The following INPP5B variants were observed in gnomAD, a reference collection of about 807,000 sequenced individuals.
INPP5B encodes the protein type II inositol 1,4,5-trisphosphate 5-phosphatase.
A neutral mutation model predicts 118.5 loss-of-function variants in INPP5B; 90 were observed. That is an observed-to-expected ratio of 0.76 (90% CI 0.64 to 0.90). The LOEUF (loss-of-function observed/expected upper bound fraction) is 0.90. Among genes scored for constraint, INPP5B ranks in the 40% least tolerant of loss-of-function variants. The pLI is 0.00. For missense variants in INPP5B, 984 were observed against 1,125.6 expected, an observed-to-expected ratio of 0.87 and a Z score of 1.80; for synonymous variants, 385 against 418.9, an observed-to-expected ratio of 0.92 and a Z score of 0.99.
intron 7 of INPP5B, chr1:37,931,570 C>G: frequency 6.5e-7 from 1 of 1,538,006 alleles, no homozygotes; most frequent in Middle Eastern, 1.7e-4. Flanking sequence ...GTCTTCGCCC[C>G]GAGCGTCCAC....
intron 7 of INPP5B, chr1:37,931,686 C>T (rs750948350): frequency 1.3e-6 from 2 of 1,527,060 alleles, no homozygotes; most frequent in South Asian, 1.2e-5. Flanking sequence ...CAGTGTTGCG[C>T]TCCCGAGAGC....
At chr1:37,874,852 G>A (rs968756393) in intron 17 of INPP5B, among the ~76,000 whole-genome samples, 2 of 152,168 alleles carry the variant, frequency 1.3e-5, no homozygotes, top group Non-Finnish European at 2.9e-5. Flanking sequence ...TGACTTTGTA[G>A]AATGTCAAGT....
In INPP5B at chr1:37,862,327, G is replaced by T. The variant is rs766524381; in HGVS notation, c.2730C>A (p.Cys910Ter). 1.2e-6 allele frequency: 2 copies of T among 1,610,040 alleles called. No homozygotes were observed. Among genetic ancestry groups the T allele is most frequent in the South Asian group, 2.2e-5 (2 of 90,996 alleles). ...KAQEFIHQFL[C>*]NPL The stretch of plus-strand genomic sequence containing the variant: ...AGGAGAGAGAGGCTCAGAGTGGGTT[G>T]CAGAGGAACTGGTGAATAAATTCTT... Residue 910 changes from cysteine (C) to a stop codon, truncating the protein, a stop_gained, in exon 24 of 24, where the codon TGC becomes TGA. Coordinates refer to ENST00000373024, the MANE Select transcript of INPP5B (RefSeq NM_005540.3). LOFTEE classifies it high-confidence loss of function.
chr1:37,899,907 G>A (rs1399052832), intron 7 of INPP5B, among the ~76,000 whole-genome samples: 1 of 150,482 alleles, frequency 6.6e-6, no homozygotes, highest in Non-Finnish European at 1.5e-5. Flanking sequence ...GTAGAGACGG[G>A]GTTTCACCGT....
At position 37,864,382 on chromosome 1, in the gene INPP5B, G is replaced by T. The variant is rs148529004; in HGVS notation, c.2556C>A (p.His852Gln). ...TLPIFHKNVF[H>Q]YLMAFLRELL... The stretch of plus-strand genomic sequence containing the variant: ...GTTCTCGCAAAAACGCCATCAAGTA[G>T]TGGAAGACATTTTTGTGGAATATGG... Residue 852 changes from histidine to glutamine, a missense_variant, in exon 23 of 24, where the codon CAC (histidine) becomes CAA (glutamine). By Grantham distance (24) the His-to-Gln change is conservative (BLOSUM62 0). Transcript: ENST00000373024. 1.2e-6 allele frequency: 2 copies of T among 1,613,062 alleles called. No homozygotes were observed. Among genetic ancestry groups the T allele is most frequent in the African/African-American group, 2.7e-5 (2 of 74,894 alleles).
intron 7 of INPP5B, among the ~76,000 whole-genome samples, chr1:37,897,333 C>T (rs930835875): frequency 2.0e-5 from 3 of 148,916 alleles, no homozygotes; most frequent in African/African-American, 7.4e-5. Flanking sequence ...CGGATGGTTG[C>T]CGTGTCTGTG....
intron 8 of INPP5B, 63 bp downstream of exon 8, chr1:37,891,295 G>A: frequency 8.6e-7 from 1 of 1,164,540 alleles, no homozygotes; most frequent in Non-Finnish European, 1.3e-6. Flanking sequence ...ACCCAAAATG[G>A]TCTCAGTACT....
Position 37,861,723 on chromosome 1 carries a change from T to TC in INPP5B, c.*591dup, listed in dbSNP as rs2148432817. ...CCAGCCTGGGCAACAAGAGTGAAACTCCATCTCAAAAAAGAAAAAAAAAAA... is the reference window on the plus strand; with the variant it reads ...CCAGCCTGGGCAACAAGAGTGAAACTCCCATCTCAAAAAAGAAAAAAAAAAA... On this transcript the variant is annotated 3_prime_UTR_variant, in exon 24 of 24. Transcript: ENST00000373024. The TC allele has an allele frequency of 1.1e-5, 1 of 94,162 alleles. No homozygotes were observed. Among genetic ancestry groups the TC allele is most frequent in the African/African-American group, 4.3e-5 (1 of 23,190 alleles). The allele number at this position is 94,162 out of a possible 1,614,324, so 5.8% of individuals were successfully genotyped here. A position where few individuals can be genotyped will look rare whatever the true frequency, so the allele number is the denominator to read the frequency against.
chr1:37,873,938 T>G, intron 18 of INPP5B, 55 bp downstream of exon 18: 2 of 1,343,308 alleles, frequency 1.5e-6, no homozygotes, highest in Non-Finnish European at 2.0e-6. Flanking sequence ...TGAGCAAATA[T>G]AGAGTAAGGC....
intron 6 of INPP5B, among the ~76,000 whole-genome samples, chr1:37,937,361 G>A (rs1645735206): frequency 6.6e-6 from 1 of 152,066 alleles, no homozygotes; most frequent in Non-Finnish European, 1.5e-5. Context: ...GCTGGGCAAG[G>A]TAGCTCACGC....
rs1169196220 is a variant in INPP5B at position 37,909,988 on chromosome 1, G to A, written c.533-18534C>T. On this transcript the variant is annotated intron_variant, in intron 7 of 23. Transcript: ENST00000373024. ...TGCAGCCTGGGATTCCTCCTAAGCC[G>A]TGTCCCATCTGTGCAGGACCCCACT... 4.1e-4 allele frequency among the ~76,000 whole-genome samples: 62 copies of A among 152,060 alleles called. 1 individual carries two copies. The highest frequency in any genetic ancestry group is 3.9e-3 in the Admixed American group (59 of 15,270).
chr1:37,890,080 C>T (rs1643753142), intron 8 of INPP5B, among the ~76,000 whole-genome samples: 1 of 152,080 alleles, frequency 6.6e-6, no homozygotes, highest in Non-Finnish European at 1.5e-5. Flanking sequence ...GGGATTCAAT[C>T]ATGTAATTGA....
chr1:37,940,768 G>T lies in INPP5B; in HGVS notation c.311C>A (p.Ala104Glu). The part of the protein sequence containing the change: ...GSDVTVQLDT[A>E]ELSLVFQLPF... Reference sequence around the variant, plus strand: ...CAGTTGGAATACGAGGCTAAGCTCTGCTGTGTCCAGCTGGACGGTCACATC... The same window carrying T: ...CAGTTGGAATACGAGGCTAAGCTCTTCTGTGTCCAGCTGGACGGTCACATC... The change falls in exon 6 of 24, where the codon GCA (alanine) becomes GAA (glutamate). Residue 104 changes from alanine (A) to glutamate (E), a missense_variant. Coordinates refer to ENST00000373024, the MANE Select transcript of INPP5B (RefSeq NM_005540.3). The T allele has an allele frequency of 3.7e-6, 6 of 1,613,838 alleles. No homozygotes were observed. The highest frequency in any genetic ancestry group is 5.1e-6 in the Non-Finnish European group (6 of 1,179,768).
In INPP5B at chr1:37,902,897, A is replaced by G. The variant is rs150241978; in HGVS notation, c.533-11443T>C. ...TACTCAGGAGGTGAAGGGGGAGGAC[A>G]GCTTGAGCCAGGGAGCTCGAGGCTG... is the stretch of plus-strand genomic sequence containing the variant. On this transcript the variant is annotated intron_variant, in intron 7 of 23. Coordinates refer to ENST00000373024, the MANE Select transcript of INPP5B (RefSeq NM_005540.3). Among the ~76,000 whole-genome samples, 286 of 152,060 alleles carry G rather than the reference A, an allele frequency of 1.9e-3. 2 individuals carry two copies. Among genetic ancestry groups the G allele is most frequent in the African/African-American group, 6.6e-3 (274 of 41,474 alleles).
chr1:37,863,726 C>T (rs559466622), intron 23 of INPP5B, among the ~76,000 whole-genome samples: 7 of 151,918 alleles, frequency 4.6e-5, no homozygotes, highest in East Asian at 1.9e-4. Context: ...CAAACACACA[C>T]GCACAAAACC....
intron 16 of INPP5B, among the ~76,000 whole-genome samples, 162 bp from the exon 17 acceptor site, chr1:37,875,878 A>G (rs1200901883): frequency 1.3e-5 from 2 of 152,230 alleles, no homozygotes. Flanking sequence ...CAATTGACTT[A>G]GAAGGATCTG....
intron 7 of INPP5B, among the ~76,000 whole-genome samples, chr1:37,921,950 T>A (rs1204966921): frequency 1.3e-5 from 2 of 152,184 alleles, no homozygotes; most frequent in Non-Finnish European, 2.9e-5. Context: ...GAGAACTGCT[T>A]GAACCCAGGA....
intron 7 of INPP5B, chr1:37,929,584 A>T (rs1645369983): frequency 6.6e-6 from 1 of 152,108 alleles, no homozygotes; most frequent in Non-Finnish European, 1.5e-5. Context: ...CCTGTTATAG[A>T]AGATGTAACT....
intron 7 of INPP5B, among the ~76,000 whole-genome samples, chr1:37,912,983 C>T (rs757210412): frequency 1.3e-5 from 2 of 150,864 alleles, no homozygotes; most frequent in Non-Finnish European, 2.9e-5. Context: ...CTGGGCCAGG[C>T]GCAGTGGCTC....
Sources: gnomAD v4.1 joint callset for allele counts (sites outside exome capture counted in the v4.1 genomes callset) on GRCh38, gnomAD v4.1.1 for gene constraint, MANE v1.5 for transcripts, NCBI Gene and HGNC (gene_info 2026-07-23, HGNC 2026-07-21) for gene names.